Variants in KCNIP1 observed in about 807,000 individuals in gnomAD.
KCNIP1 encodes potassium voltage-gated channel interacting protein 1.
Under a neutral mutation model 33.0 loss-of-function variants are expected in KCNIP1, and 18 were observed. The observed-to-expected ratio is 0.55, with a 90% CI of 0.38 to 0.81. The LOEUF (loss-of-function observed/expected upper bound fraction) is 0.81. Ranked by LOEUF, KCNIP1 falls within the 30% of genes least tolerant of loss-of-function variation. The pLI is 0.00. For missense variants in KCNIP1, 238 were observed against 271.6 expected, an observed-to-expected ratio of 0.88 and a Z score of 0.87; for synonymous variants, 93 against 98.3, an observed-to-expected ratio of 0.95 and a Z score of 0.32.
At chr5:170,648,429 A>C (rs1471946575) in intron 1 of KCNIP1, among the ~76,000 whole-genome samples, 1 of 152,256 alleles carries the variant, frequency 6.6e-6, no homozygotes, top group Non-Finnish European at 1.5e-5. Context: ...GCATCCTGGC[A>C]GTAGAATATT....
At chr5:170,490,896 C>T (rs1415883787) in intron 1 of KCNIP1, among the ~76,000 whole-genome samples, 6 of 152,282 alleles carry the variant, frequency 3.9e-5, no homozygotes, top group African/African-American at 7.2e-5. Context: ...CAAGTTCTCT[C>T]GCCCCAAATC....
At chr5:170,367,349 A>AAAAGAAAGAAAGAAAGGAAG (rs1763692790) in intron 1 of KCNIP1, among the ~76,000 whole-genome samples, 19 of 76,946 alleles carry the variant, frequency 2.5e-4, no homozygotes, top group Admixed American at 6.3e-4. Context: ...GAAGGAAAGA[A>AAAAGAAAGAAAGAAAGGAAG]AAAGAAAGAA....
chr5:170,512,426 C>T (rs190241741), intron 1 of KCNIP1, among the ~76,000 whole-genome samples: 2 of 152,328 alleles, frequency 1.3e-5, no homozygotes, highest in South Asian at 2.1e-4. Context: ...GCCCAAATCA[C>T]CTGCGTATGT....
intron 1 of KCNIP1, among the ~76,000 whole-genome samples, chr5:170,518,771 G>A (rs144561443): frequency 5.3e-5 from 8 of 152,264 alleles, no homozygotes; most frequent in Non-Finnish European, 8.8e-5. Context: ...TCAGAGGTAG[G>A]GTCTGTTCTA....
intron 1 of KCNIP1, among the ~76,000 whole-genome samples, chr5:170,682,926 G>C: frequency 6.6e-6 from 1 of 151,454 alleles, no homozygotes; most frequent in East Asian, 1.9e-4. Context: ...ACCGCATCTG[G>C]CCAAGCTTCC....
Position 170,383,468 on chromosome 5 carries a change from CTA to C in KCNIP1, c.88+29506_88+29507del, listed in dbSNP as rs1764334925. ...GGAGGTGAGAGGCTAAGTGGCCTGC[CTA>C]TGTTTACACAGCCAGTTAGCGGCAG... On this transcript the variant is annotated intron_variant, in intron 1 of 7. Transcript: ENST00000377360. 6.3e-6 allele frequency: 4 copies of C among 632,382 alleles called. No individual in the cohort carries two copies. The South Asian group carries it at 7.3e-5, about 12-fold the overall frequency. The allele number at this position is 632,382 out of a possible 1,614,324, so 39.2% of individuals were successfully genotyped here. A position where few individuals can be genotyped will look rare whatever the true frequency, so the allele number is the denominator to read the frequency against.
intron 1 of KCNIP1, among the ~76,000 whole-genome samples, chr5:170,593,081 GA>G (rs1444733803): frequency 2.0e-5 from 3 of 152,298 alleles, no homozygotes; most frequent in Non-Finnish European, 4.4e-5. Flanking sequence ...CAGAGGTCAA[GA>G]AAATTGGCTC....
chr5:170,581,256 G>A (rs1002277188), intron 1 of KCNIP1, among the ~76,000 whole-genome samples: 1 of 152,134 alleles, frequency 6.6e-6, no homozygotes, highest in Non-Finnish European at 1.5e-5. Context: ...CTGCAGACAG[G>A]GACTAACTTT....
chr5:170,445,596 C>T (rs1379890308), intron 1 of KCNIP1, among the ~76,000 whole-genome samples: 1 of 152,164 alleles, frequency 6.6e-6, no homozygotes, highest in Non-Finnish European at 1.5e-5. Flanking sequence ...TGCTGAAGAC[C>T]ACATGGCTAG....
intron 5 of KCNIP1, among the ~76,000 whole-genome samples, chr5:170,732,411 C>T (rs1764238323): frequency 6.6e-6 from 1 of 152,178 alleles, no homozygotes; most frequent in Admixed American, 6.5e-5. Flanking sequence ...TTTTTCTTAA[C>T]TGAAAACAGT....
intron 1 of KCNIP1, among the ~76,000 whole-genome samples, chr5:170,487,799 T>C (rs1399988688): frequency 3.9e-5 from 6 of 152,136 alleles, no homozygotes; most frequent in African/African-American, 1.4e-4. Context: ...ATTACAGGCA[T>C]GAACCACTGC....
chr5:170,500,613 C>T (rs1159165222), upstream of KCNIP1, among the ~76,000 whole-genome samples: 3 of 152,212 alleles, frequency 2.0e-5, no homozygotes, highest in East Asian at 1.9e-4. Context: ...AGGAGGCAGG[C>T]AGAGGGCCTG....
intron 1 of KCNIP1, among the ~76,000 whole-genome samples, chr5:170,676,009 C>T (rs1762118376): frequency 6.7e-6 from 1 of 149,704 alleles, no homozygotes. Flanking sequence ...GGTGCAAGAG[C>T]TTGGGCGGAC....
At chr5:170,506,588 T>A (rs1212735299) in intron 1 of KCNIP1, among the ~76,000 whole-genome samples, 1 of 152,030 alleles carries the variant, frequency 6.6e-6, no homozygotes, top group Non-Finnish European at 1.5e-5. Flanking sequence ...AGTACAAAGG[T>A]CTTTGCTTCT....
chr5:170,460,369 G>T (rs1479659557), intron 1 of KCNIP1, among the ~76,000 whole-genome samples: 12 of 151,962 alleles, frequency 7.9e-5, no homozygotes, highest in Admixed American at 7.2e-4. Context: ...ACCAAAACCA[G>T]GAAAGGACAC....
intron 1 of KCNIP1, among the ~76,000 whole-genome samples, chr5:170,713,827 G>A (rs545282372): frequency 2.2e-4 from 33 of 152,140 alleles, no homozygotes; most frequent in African/African-American, 7.5e-4. Context: ...CTTGAGACCA[G>A]CCTGGCTAAC....
At position 170,553,318 on chromosome 5, in the gene KCNIP1, C is replaced by A. The variant is rs146185483; in HGVS notation, c.61+48685C>A. 2.0e-3 allele frequency among the ~76,000 whole-genome samples: 299 copies of A among 152,296 alleles called. 2 individuals are homozygous for A. Among genetic ancestry groups the A allele is most frequent in the African/African-American group, 6.7e-3 (277 of 41,560 alleles). On this transcript the variant is annotated intron_variant, in intron 1 of 7. Coordinates refer to ENST00000328939, the MANE Select transcript of KCNIP1 (RefSeq NM_014592.4). ...TATTCATCATATCCTTAAATAACAC[C>A]CTTACTACTTTTCAATCACTTGACC...
chr5:170,480,739 C>T (rs1362316873), intron 1 of KCNIP1, among the ~76,000 whole-genome samples: 6 of 152,248 alleles, frequency 3.9e-5, no homozygotes, highest in South Asian at 4.1e-4. Flanking sequence ...GCACTGCACC[C>T]GGCCAAGACG....
chr5:170,593,723 G>A (rs983394960), intron 1 of KCNIP1, among the ~76,000 whole-genome samples: 6 of 152,160 alleles, frequency 3.9e-5, no homozygotes, highest in East Asian at 1.9e-4. Flanking sequence ...TGGGCAGGGC[G>A]GGGCTGGGGG....
Sources: gnomAD v4.1 joint callset for allele counts (sites outside exome capture counted in the v4.1 genomes callset) on GRCh38, gnomAD v4.1.1 for gene constraint, MANE v1.5 for transcripts, NCBI Gene and HGNC (gene_info 2026-07-23, HGNC 2026-07-21) for gene names.